The following RUNDC3B variants were observed in gnomAD, a reference collection of about 807,000 sequenced individuals.
The protein encoded by RUNDC3B is RUN domain containing 3B.
RUNDC3B carries 33 observed loss-of-function variants against 58.4 expected under a neutral mutation model. The ratio of observed to expected loss-of-function variants is 0.56; its 90% CI spans 0.43 to 0.75. The LOEUF (loss-of-function observed/expected upper bound fraction) is 0.75. Ranked by LOEUF, RUNDC3B falls within the 30% of genes least tolerant of loss-of-function variation. The pLI is 0.00. For synonymous variants in RUNDC3B, 193 were observed against 195.2 expected (o/e 0.99, Z 0.10); for missense variants, 501 against 535.7 (o/e 0.94, Z 0.64).
chr7:87,804,551 G>A (rs1274459213), intron 8 of RUNDC3B, among the ~76,000 whole-genome samples: 2 of 152,062 alleles, frequency 1.3e-5, no homozygotes, highest in African/African-American at 2.4e-5. Flanking sequence ...TAGATACCAC[G>A]GGGAAGTTCT....
intron 4 of RUNDC3B, among the ~76,000 whole-genome samples, chr7:87,738,894 G>T (rs375312863): frequency 6.6e-6 from 1 of 151,878 alleles, no homozygotes; most frequent in Non-Finnish European, 1.5e-5. Flanking sequence ...ATACTGAAAA[G>T]AGCAAGACCT....
intron 2 of RUNDC3B, among the ~76,000 whole-genome samples, chr7:87,679,541 C>T (rs1186723768): frequency 6.7e-6 from 1 of 149,968 alleles, no homozygotes; most frequent in Non-Finnish European, 1.5e-5. Flanking sequence ...AGGCACACAC[C>T]ACTACACCCA....
At chr7:87,745,896 C>T (rs114995494) in intron 6 of RUNDC3B, among the ~76,000 whole-genome samples, 1,754 of 152,080 alleles carry the variant, frequency 0.012, 42 homozygotes, top group African/African-American at 0.04. Flanking sequence ...GACCTTAGAA[C>T]GTCAGTTTGT....
chr7:87,679,385 G>A lies in RUNDC3B; in HGVS notation c.239-21036G>A, dbSNP rs553131413. The stretch of plus-strand genomic sequence containing the variant: ...TGGGATTACAAGTGTGAGCCACCGT[G>A]CCCGGCCCCCAACTTTTTTTTAAGA... On this transcript the variant is annotated intron_variant, in intron 2 of 10. Transcript: ENST00000394654. Among the ~76,000 whole-genome samples the A allele has an allele frequency of 2.7e-5, 4 of 149,584 alleles. 1 individual carries two copies. The East Asian group carries it at 8.0e-4, about 30-fold the overall frequency.
At chr7:87,768,785 T>G (rs1273762146) in intron 6 of RUNDC3B, among the ~76,000 whole-genome samples, 1 of 152,122 alleles carries the variant, frequency 6.6e-6, no homozygotes, top group Non-Finnish European at 1.5e-5. Context: ...CCAACAGGTT[T>G]CAACACTCTT....
At chr7:87,722,909 C>G (rs557633811) in intron 4 of RUNDC3B, among the ~76,000 whole-genome samples, 30 of 152,172 alleles carry the variant, frequency 2.0e-4, no homozygotes, top group Non-Finnish European at 3.8e-4. Context: ...TGCAATTTCA[C>G]CAACCTCTCT....
intron 5 of RUNDC3B, 77 bp from the exon 6 acceptor site, chr7:87,741,422 A>C: frequency 8.4e-6 from 7 of 832,828 alleles, no homozygotes; most frequent in Non-Finnish European, 1.1e-5. Context: ...GTCTCTGGCA[A>C]GAGATTTTTC....
intron 4 of RUNDC3B, among the ~76,000 whole-genome samples, chr7:87,724,458 G>A (rs1831095179): frequency 6.6e-6 from 1 of 151,944 alleles, no homozygotes; most frequent in Non-Finnish European, 1.5e-5. Context: ...TCAATATTCT[G>A]TATATTTAAA....
At chr7:87,753,338 A>T (rs1471270915) in intron 6 of RUNDC3B, among the ~76,000 whole-genome samples, 47 of 150,990 alleles carry the variant, frequency 3.1e-4, no homozygotes, top group African/African-American at 1.1e-3. Flanking sequence ...TGCTGAAAAA[A>T]ATGTATATTC....
At chr7:87,675,827 A>G (rs995188439) in intron 2 of RUNDC3B, among the ~76,000 whole-genome samples, 3 of 152,064 alleles carry the variant, frequency 2.0e-5, no homozygotes, top group African/African-American at 7.2e-5. Context: ...ATAGGGGAAA[A>G]GCTAATTGAC....
At chr7:87,683,153 C>G (rs1408544880) in intron 2 of RUNDC3B, among the ~76,000 whole-genome samples, 1 of 152,164 alleles carries the variant, frequency 6.6e-6, no homozygotes, top group African/African-American at 2.4e-5. Flanking sequence ...GTCTTTGCCT[C>G]TCTCATCCTT....
chr7:87,755,027 CT>C (rs200129505), intron 6 of RUNDC3B, among the ~76,000 whole-genome samples: 240 of 136,652 alleles, frequency 1.8e-3, no homozygotes, highest in Admixed American at 1.5e-3. Flanking sequence ...GATACAATTT[CT>C]TTTTTTTTTT....
rs1193670323 is a variant in RUNDC3B, at chr7:87,770,592, T to A, written c.641T>A (p.Ile214Asn). The change falls in exon 7 of 11, where the codon ATC becomes AAC. Residue 214 changes from isoleucine to asparagine, a missense_variant. Physicochemically the swap from Ile to Asn is moderately radical, Grantham distance 149. Coordinates refer to ENST00000394654, the MANE Select transcript of RUNDC3B (RefSeq NM_001134405.2). ...TTTGATCTTCCCAGTTCTGATAGTA[T>A]CAGCAGTGATGAGGAGGAGCTAAGG... ...YLKYIQSSDS[I>N]SSDEEELRTL... 2 of 1,613,018 alleles carry A rather than the reference T, an allele frequency of 1.2e-6. No homozygotes were observed. Among genetic ancestry groups the A allele is most frequent in the Non-Finnish European group, 8.5e-7 (1 of 1,179,370 alleles).
At chr7:87,780,913 G>A (rs1300629222) in intron 8 of RUNDC3B, among the ~76,000 whole-genome samples, 1 of 152,114 alleles carries the variant, frequency 6.6e-6, no homozygotes, top group Non-Finnish European at 1.5e-5. Context: ...TTAAAGTCGG[G>A]TAATGTGACG....
chr7:87,746,891 T>G (rs1263744593), intron 6 of RUNDC3B, among the ~76,000 whole-genome samples: 1 of 152,224 alleles, frequency 6.6e-6, no homozygotes, highest in Non-Finnish European at 1.5e-5. Context: ...TGTTTGTTTT[T>G]TATTTTTGCT....
chr7:87,735,431 T>C (rs991437777), intron 4 of RUNDC3B, among the ~76,000 whole-genome samples: 1 of 152,226 alleles, frequency 6.6e-6, no homozygotes, highest in African/African-American at 2.4e-5. Flanking sequence ...AAAGAGATTA[T>C]GTCAGCTCCT....
chr7:87,724,995 A>G (rs1831132074), intron 4 of RUNDC3B, among the ~76,000 whole-genome samples: 1 of 152,158 alleles, frequency 6.6e-6, no homozygotes, highest in African/African-American at 2.4e-5. Context: ...TCAATAAAAA[A>G]CAAAGGCTTA....
intron 10 of RUNDC3B, among the ~76,000 whole-genome samples, chr7:87,823,141 G>A (rs182852533): frequency 1.4e-4 from 22 of 152,036 alleles, no homozygotes; most frequent in East Asian, 7.7e-4. Flanking sequence ...TTTAACTAAA[G>A]GTAAAGGGAT....
intron 2 of RUNDC3B, among the ~76,000 whole-genome samples, chr7:87,678,730 G>GA (rs1826624485): frequency 6.6e-6 from 1 of 152,032 alleles, no homozygotes; most frequent in African/African-American, 2.4e-5. Flanking sequence ...TAAAAGGATA[G>GA]AAAAAGTTAT....
Sources: allele counts gnomAD v4.1 joint callset (sites outside exome capture counted in the v4.1 genomes callset), GRCh38; gene constraint gnomAD v4.1.1; transcripts MANE v1.5; gene names NCBI Gene and HGNC (gene_info 2026-07-23, HGNC 2026-07-21).